The following METTL16 variants were observed in gnomAD, a reference collection of about 807,000 sequenced individuals.
METTL16 encodes the protein RNA N(6)-adenosine-methyltransferase METTL16.
METTL16 carries 19 observed loss-of-function variants against 57.9 expected under a neutral mutation model. The ratio of observed to expected loss-of-function variants is 0.33; its 90% confidence interval spans 0.23 to 0.48. The LOEUF (loss-of-function observed/expected upper bound fraction) is 0.48, where lower values mean the gene tolerates loss of function less well. Among genes scored for constraint, METTL16 ranks in the 20% least tolerant of loss-of-function variants. The pLI is 0.99. For synonymous variants in METTL16, 246 were observed against 255.6 expected, an observed-to-expected ratio of 0.96 and a Z score of 0.36; for missense variants, 434 against 691.5, an observed-to-expected ratio of 0.63 and a Z score of 4.18.
chr17:2,485,012 G>A (rs943641346), intron 2 of METTL16, among the ~76,000 whole-genome samples: 1 of 152,188 alleles, frequency 6.6e-6, no homozygotes, highest in East Asian at 1.9e-4. Context: ...CTGGGCCATG[G>A]ACTGATATTG....
intron 6 of METTL16, among the ~76,000 whole-genome samples, chr17:2,452,752 T>G (rs962539410): frequency 6.6e-6 from 1 of 152,222 alleles, no homozygotes; most frequent in African/African-American, 2.4e-5. Flanking sequence ...TATGTGTTTT[T>G]TCCTAAGCTG....
At chr17:2,473,884 G>A (rs2067251923) in intron 3 of METTL16, among the ~76,000 whole-genome samples, 1 of 152,088 alleles carries the variant, frequency 6.6e-6, no homozygotes, top group Admixed American at 6.6e-5. Flanking sequence ...GACTACAGGT[G>A]CATGCCACCA....
chr17:2,442,273 T>C (rs1440103139), intron 6 of METTL16, among the ~76,000 whole-genome samples: 1 of 152,176 alleles, frequency 6.6e-6, no homozygotes, highest in Non-Finnish European at 1.5e-5. Flanking sequence ...TAACTGGCAG[T>C]GCAGACCTAC....
At position 2,451,630 on chromosome 17, in the gene METTL16, AAAAAG is replaced by A. The variant is rs201595625; in HGVS notation, c.729-10076_729-10072del. Reference sequence around the variant, plus strand: ...AGGTAGACTCTGTTTCCAAAAAAAAAAAAAGAAAAGAAAAGAAAGAAAGTGTATAA... The same window carrying A: ...AGGTAGACTCTGTTTCCAAAAAAAAAAAAAGAAAAGAAAGAAAGTGTATAA... On this transcript the variant is annotated intron_variant, in intron 6 of 9. Coordinates refer to ENST00000263092, the MANE Select transcript of METTL16 (RefSeq NM_024086.4). Among the ~76,000 whole-genome samples, 357 of 152,010 alleles carry A rather than the reference AAAAAG, an allele frequency of 2.3e-3. 3 individuals carry two copies. In the East Asian group the frequency reaches 0.031, roughly 13 times the overall value.
At chr17:2,450,310 A>C (rs1437771805) in intron 6 of METTL16, among the ~76,000 whole-genome samples, 1 of 152,228 alleles carries the variant, frequency 6.6e-6, no homozygotes, top group Non-Finnish European at 1.5e-5. Flanking sequence ...ACAAAAAATC[A>C]TGGATATGCT....
intron 2 of METTL16, 64 bp from the exon 3 acceptor site, chr17:2,477,949 C>A: frequency 1.4e-6 from 2 of 1,425,154 alleles, no homozygotes; most frequent in Non-Finnish European, 9.8e-7. Context: ...ACAAGCTCTA[C>A]GGCAAACAGG....
At chr17:2,495,018 C>A (rs2067432220) in intron 2 of METTL16, among the ~76,000 whole-genome samples, 1 of 151,352 alleles carries the variant, frequency 6.6e-6, no homozygotes, top group Non-Finnish European at 1.5e-5. Flanking sequence ...AATTGAAAAC[C>A]TTCTGGAAAA....
intron 3 of METTL16, among the ~76,000 whole-genome samples, chr17:2,477,193 TA>T (rs1413545653): frequency 6.6e-6 from 1 of 151,998 alleles, no homozygotes; most frequent in Non-Finnish European, 1.5e-5. Flanking sequence ...ATTTTTAAAT[TA>T]AAAAAATAAA....
At chr17:2,488,473 C>G (rs572315533) in intron 2 of METTL16, among the ~76,000 whole-genome samples, 1 of 152,164 alleles carries the variant, frequency 6.6e-6, no homozygotes, top group Admixed American at 6.5e-5. Flanking sequence ...AGGAGAATCG[C>G]TTCAACCCGG....
chr17:2,494,728 G>A (rs1160107819), intron 2 of METTL16, among the ~76,000 whole-genome samples: 1 of 151,860 alleles, frequency 6.6e-6, no homozygotes, highest in Non-Finnish European at 1.5e-5. Flanking sequence ...GGCCGGGCGT[G>A]GTTGCTCACG....
At chr17:2,454,972 G>A (rs1005921457) in intron 6 of METTL16, among the ~76,000 whole-genome samples, 1 of 151,964 alleles carries the variant, frequency 6.6e-6, no homozygotes, top group Admixed American at 6.6e-5. Context: ...TCAGGCTGGA[G>A]TGCAGTGGCG....
intron 7 of METTL16, 21 bp downstream of exon 7, chr17:2,441,469 A>C (rs1296249703): frequency 1.9e-6 from 3 of 1,549,298 alleles, no homozygotes; most frequent in Non-Finnish European, 2.6e-6. Context: ...CTACACGAGA[A>C]CAGTAATGAG....
intron 8 of METTL16, among the ~76,000 whole-genome samples, chr17:2,430,433 T>TTG (rs2066864471): frequency 7.7e-6 from 1 of 130,588 alleles, no homozygotes. Flanking sequence ...TTTTTTTTTT[T>TTG]GAGACGGAGT....
chr17:2,436,769 T>C (rs2066911416), intron 8 of METTL16: 1 of 127,560 alleles, frequency 7.8e-6, no homozygotes, highest in African/African-American at 4.1e-5. Context: ...CAACAGATGC[T>C]GTTCTGTCAC....
chr17:2,507,265 C>T (rs1314896644), intron 1 of METTL16, among the ~76,000 whole-genome samples: 9 of 148,496 alleles, frequency 6.1e-5, no homozygotes, highest in Admixed American at 2.7e-4. Context: ...TCTGCCCGGC[C>T]GCCTCTACTG....
intron 2 of METTL16, among the ~76,000 whole-genome samples, chr17:2,491,731 C>T (rs999434949): frequency 6.7e-5 from 10 of 149,888 alleles, no homozygotes; most frequent in Non-Finnish European, 7.4e-5. Context: ...AAAAATTAGC[C>T]AGGCGTGGTG....
intron 8 of METTL16, among the ~76,000 whole-genome samples, chr17:2,421,881 T>C (rs1445669465): frequency 1.3e-5 from 2 of 151,786 alleles, no homozygotes; most frequent in Non-Finnish European, 2.9e-5. Context: ...CTGGGGAGGG[T>C]GACACCGGCG....
rs143065713 is a variant in METTL16 at position 2,463,514 on chromosome 17, C to T, written c.728+694G>A. 8.1e-3 allele frequency among the ~76,000 whole-genome samples: 1,238 copies of T among 152,050 alleles called. 8 individuals carry two copies. The highest frequency in any genetic ancestry group is 0.044 in the Middle Eastern group (13 of 294). Reference sequence around the variant, plus strand: ...TCTTACTCTCTCACCCAGGCTGGAGCGCAGTGGCATGATCTCGGCTCACTG... The same window carrying T: ...TCTTACTCTCTCACCCAGGCTGGAGTGCAGTGGCATGATCTCGGCTCACTG... On this transcript the variant is annotated intron_variant, in intron 6 of 9. Coordinates refer to ENST00000263092, the MANE Select transcript of METTL16 (RefSeq NM_024086.4).
Position 2,420,496 on chromosome 17 carries a change from C to A in METTL16, c.1163G>T (p.Arg388Leu). Residue 388 changes from arginine to leucine, a missense_variant, in exon 10 of 10, where the codon CGT becomes CTT. Transcript: ENST00000263092. This position sits in a 1 kb window ranked among gnomAD's most constrained non-coding sequence, Gnocchi z 5.4. ...GGGAACTTCTCTCAGCTGTCTCACA[C>A]GCTCTCTTTTCTTTCTCCTTAAATG... ...WIHLRRKKRERVRQLREVPRA... is the reference protein window; with the variant it reads ...WIHLRRKKRELVRQLREVPRA... 1.2e-6 allele frequency: 2 copies of A among 1,614,078 alleles called. No individual in the cohort carries two copies. The highest frequency in any genetic ancestry group is 1.7e-6 in the Non-Finnish European group (2 of 1,180,024).
Sources: gnomAD v4.1 joint callset for allele counts (sites outside exome capture counted in the v4.1 genomes callset) on GRCh38, gnomAD v4.1.1 for gene constraint, Gnocchi (gnomAD v3.1) non-coding constraint, MANE v1.5 for transcripts, NCBI Gene and HGNC (gene_info 2026-07-23, HGNC 2026-07-21) for gene names.